Variants in THSD7A observed in about 807,000 individuals in gnomAD.
THSD7A encodes the protein thrombospondin type-1 domain-containing protein 7A.
THSD7A carries 96 observed loss-of-function variants against 231.3 expected under a neutral mutation model. That is an observed-to-expected ratio of 0.41 (90% confidence interval 0.35 to 0.49). THSD7A has a LOEUF of 0.49. Among genes scored for constraint, THSD7A ranks in the 20% least tolerant of loss-of-function variants. The pLI is 0.05. For missense variants in THSD7A, 2,290 were observed against 2,070.2 expected (o/e 1.11, Z -2.06); for synonymous variants, 940 against 743.3 (o/e 1.26, Z -4.30).
intron 2 of THSD7A, among the ~76,000 whole-genome samples, chr7:11,626,681 T>C (rs1781481472): frequency 6.6e-6 from 1 of 152,070 alleles, no homozygotes; most frequent in African/African-American, 2.4e-5. Context: ...GTGACTGATA[T>C]AAGTAAGGAC....
In THSD7A at chr7:11,373,232, C is replaced by G. The variant is rs1782129198; in HGVS notation, c.*2562G>C. On this transcript the variant is annotated 3_prime_UTR_variant, in exon 28 of 28. Coordinates refer to ENST00000423059, the MANE Select transcript of THSD7A (RefSeq NM_015204.3). ...CTGAATTAATGACATTTTACAATAC[C>G]TTAAATATAGCTTTAGTAGGTATTC... is the stretch of plus-strand genomic sequence containing the variant. 6.6e-6 allele frequency: 1 copy of G among 151,808 alleles called. No homozygotes were observed. The highest frequency in any genetic ancestry group is 1.5e-5 in the Non-Finnish European group (1 of 67,914). The allele number at this position is 151,808 out of a possible 1,614,324, so 9.4% of individuals were successfully genotyped here.
chr7:11,798,094 T>C (rs997841385), intron 1 of THSD7A, among the ~76,000 whole-genome samples: 88 of 152,174 alleles, frequency 5.8e-4, no homozygotes, highest in African/African-American at 2.0e-3. Context: ...GCAAGTTGTA[T>C]AGGATTCACC....
At chr7:11,745,415 C>G (rs573962695) in intron 1 of THSD7A, among the ~76,000 whole-genome samples, 48 of 151,992 alleles carry the variant, frequency 3.2e-4, no homozygotes, top group African/African-American at 1.0e-3. Context: ...TCTGATGATA[C>G]TTTCTTTTGC....
chr7:11,685,451 G>A (rs1780009034), intron 1 of THSD7A, among the ~76,000 whole-genome samples: 1 of 151,982 alleles, frequency 6.6e-6, no homozygotes, highest in Non-Finnish European at 1.5e-5. Flanking sequence ...TACAGAAAGA[G>A]TGACAATAAT....
chr7:11,612,275 A>T (rs1780959220), intron 2 of THSD7A, among the ~76,000 whole-genome samples: 1 of 152,112 alleles, frequency 6.6e-6, no homozygotes, highest in Admixed American at 6.6e-5. Flanking sequence ...GACTGACACC[A>T]CCACCACCAA....
rs1459705086 is a variant in THSD7A, at chr7:11,495,560, G to A, written c.1823-13578C>T. Among the ~76,000 whole-genome samples, 8 of 152,214 alleles carry A rather than the reference G, an allele frequency of 5.3e-5. No homozygotes were observed. In the East Asian group the frequency reaches 1.5e-3, roughly 29 times the overall value. ...GAAGATAACATAAAATCAATTTGAA[G>A]ATTTTCTATTGCAAAACTGTATCTT... On this transcript the variant is annotated intron_variant, in intron 6 of 27. Coordinates refer to ENST00000423059, the MANE Select transcript of THSD7A (RefSeq NM_015204.3).
rs375053270 is a variant in THSD7A, at chr7:11,446,356, T to C, written c.2801-32A>G. 59 of 1,591,542 alleles carry C rather than the reference T, an allele frequency of 3.7e-5. No individual in the cohort carries two copies. In the African/African-American group the frequency reaches 5.1e-4, roughly 14 times the overall value. ...AAGAGAAACAATCAGGCAATTTAAG[T>C]TGGAAAATACCATCATTAATTTCAC... On this transcript the variant is annotated intron_variant, in intron 12 of 27. Transcript: ENST00000423059. The surrounding 1 kb of genome is among the most constrained non-coding windows in gnomAD (Gnocchi z 4.0).
intron 2 of THSD7A, among the ~76,000 whole-genome samples, chr7:11,609,211 T>C (rs187626803): frequency 1.2e-4 from 19 of 152,188 alleles, no homozygotes; most frequent in Admixed American, 5.9e-4. Context: ...TCAGGGTTCT[T>C]TACAGCTTCC....
intron 6 of THSD7A, among the ~76,000 whole-genome samples, chr7:11,527,479 G>A (rs1288338023): frequency 6.6e-6 from 1 of 152,104 alleles, no homozygotes; most frequent in Non-Finnish European, 1.5e-5. Context: ...GACAGTTGAT[G>A]TTTTCTTATC....
At chr7:11,579,689 G>C (rs1191483459) in intron 4 of THSD7A, among the ~76,000 whole-genome samples, 4 of 152,138 alleles carry the variant, frequency 2.6e-5, no homozygotes, top group Admixed American at 6.6e-5. Flanking sequence ...AGTTTCTAAA[G>C]ATTTAGAGCT....
At chr7:11,700,331 CA>C (rs1281388235) in intron 1 of THSD7A, among the ~76,000 whole-genome samples, 3 of 151,148 alleles carry the variant, frequency 2.0e-5, no homozygotes, top group African/African-American at 7.3e-5. Context: ...GCACTCATCT[CA>C]AATACATCCC....
chr7:11,412,871 A>T, intron 17 of THSD7A, 71 bp from the exon 18 acceptor site: 1 of 1,528,956 alleles, frequency 6.5e-7, no homozygotes, highest in Non-Finnish European at 8.9e-7. Context: ...TAGAGACAGC[A>T]CTGGAGCAGG....
chr7:11,385,961 G>T (rs1362770408), intron 23 of THSD7A, among the ~76,000 whole-genome samples: 1 of 152,068 alleles, frequency 6.6e-6, no homozygotes. Flanking sequence ...GAGAACATGT[G>T]TGGTGTTTGG....
chr7:11,450,702 C>G (rs1429201422), intron 11 of THSD7A, among the ~76,000 whole-genome samples: 2 of 151,946 alleles, frequency 1.3e-5, no homozygotes, highest in African/African-American at 4.8e-5. Flanking sequence ...ACTAAGAGCA[C>G]AGTTTCTTAG....
Position 11,793,217 on chromosome 7 carries a change from G to A in THSD7A, c.190+38540C>T, listed in dbSNP as rs548158324. Among the ~76,000 whole-genome samples, 19 of 151,932 alleles carry A rather than the reference G, an allele frequency of 1.3e-4. 2 individuals carry two copies. In the South Asian group the frequency reaches 3.3e-3, roughly 27 times the overall value. The stretch of plus-strand genomic sequence containing the variant: ...GGGGTAAGAAGTATTTCAAGATGCC[G>A]AAATTTTAATGATAGACTTATTGTC... On this transcript the variant is annotated intron_variant, in intron 1 of 27. Transcript: ENST00000423059.
intron 1 of THSD7A, among the ~76,000 whole-genome samples, chr7:11,806,718 G>A (rs1280477954): frequency 6.6e-6 from 1 of 152,132 alleles, no homozygotes; most frequent in East Asian, 1.9e-4. Flanking sequence ...CAGAACCTGA[G>A]GGAAAGCAGG....
In THSD7A at chr7:11,831,904, C is replaced by A; in HGVS notation, c.43G>T (p.Ala15Ser). The change falls in exon 1 of 28, where the codon GCT becomes TCT. Residue 15 changes from alanine to serine, a missense_variant. Transcript: ENST00000423059. This position sits in a 1 kb window ranked among gnomAD's most constrained non-coding sequence, Gnocchi z 5.0. ...AGGACGCCCCGGCGCGGCCCCGCAG[C>A]GCCCCGGCTCCCGGACGCCCAGCGC... ...ARRWASGSRG[A>S]AGPRRGVLQL... 1.6e-6 allele frequency: 2 copies of A among 1,238,994 alleles called. No homozygotes were observed. Among genetic ancestry groups the A allele is most frequent in the Non-Finnish European group, 2.0e-6 (2 of 994,916 alleles). The allele number at this position is 1,238,994 out of a possible 1,614,324, so 76.8% of individuals were successfully genotyped here. A position where few individuals can be genotyped will look rare whatever the true frequency, so the allele number is the denominator to read the frequency against.
chr7:11,802,222 G>A (rs1246237413), intron 1 of THSD7A, among the ~76,000 whole-genome samples: 1 of 152,120 alleles, frequency 6.6e-6, no homozygotes, highest in East Asian at 1.9e-4. Context: ...AATTCCTCCA[G>A]CATAGATGTA....
chr7:11,454,401 A>T (rs778443235), intron 11 of THSD7A, among the ~76,000 whole-genome samples: 1 of 151,902 alleles, frequency 6.6e-6, no homozygotes, highest in Non-Finnish European at 1.5e-5. Flanking sequence ...AAAGAAAAAC[A>T]AAACTATCCT....
Sources: gnomAD v4.1 joint callset for allele counts (sites outside exome capture counted in the v4.1 genomes callset) on GRCh38, gnomAD v4.1.1 for gene constraint, Gnocchi (gnomAD v3.1) non-coding constraint, MANE v1.5 for transcripts, NCBI Gene and HGNC (gene_info 2026-07-23, HGNC 2026-07-21) for gene names.